The following DLGAP2 variants were observed in gnomAD, a reference collection of about 807,000 sequenced individuals.
The protein encoded by DLGAP2 is DLG associated protein 2, also known as disks large-associated protein 2.
Under a neutral mutation model 100.3 loss-of-function variants are expected in DLGAP2, and 26 were observed. The ratio of observed to expected loss-of-function variants is 0.26; its 90% CI spans 0.19 to 0.36. The LOEUF (loss-of-function observed/expected upper bound fraction) is 0.36, where lower values mean the gene tolerates loss of function less well. Ranked by LOEUF, DLGAP2 falls within the 10% of genes least tolerant of loss-of-function variation. The probability of loss-of-function intolerance (pLI) is 1.00; values close to 1 mark genes in which losing one functional copy is unlikely to be tolerated. For missense variants in DLGAP2, 1,858 were observed against 1,453.2 expected (o/e 1.28, Z -4.53); for synonymous variants, 886 against 630.1 (o/e 1.41, Z -6.08).
chr8:852,007 C>T (rs977880095), intron 1 of DLGAP2, among the ~76,000 whole-genome samples: 1 of 152,210 alleles, frequency 6.6e-6, no homozygotes, highest in Non-Finnish European at 1.5e-5. Context: ...TCCTGGGACT[C>T]AGCCCCTAAA....
At chr8:1,074,626 G>A (rs1181831821) in intron 2 of DLGAP2, among the ~76,000 whole-genome samples, 1 of 152,176 alleles carries the variant, frequency 6.6e-6, no homozygotes, top group African/African-American at 2.4e-5. Flanking sequence ...CTTGCAAGGT[G>A]AAGATGAGGC....
chr8:1,121,252 C>CAT (rs1796038997), intron 2 of DLGAP2, among the ~76,000 whole-genome samples: 2 of 149,754 alleles, frequency 1.3e-5, no homozygotes, highest in East Asian at 2.0e-4. Flanking sequence ...CACCCATCCT[C>CAT]GTCCCTTCAG....
intron 3 of DLGAP2, among the ~76,000 whole-genome samples, chr8:1,371,541 C>G (rs72621158): frequency 0.13 from 19,456 of 152,206 alleles, 1,379 homozygotes; most frequent in East Asian, 0.28. Flanking sequence ...AATTGGAAAT[C>G]TCTTCTGCAG....
intron 8 of DLGAP2, among the ~76,000 whole-genome samples, chr8:1,665,045 A>G (rs2130832199): frequency 6.6e-6 from 1 of 152,350 alleles, no homozygotes; most frequent in Non-Finnish European, 1.5e-5. Flanking sequence ...CAAAGAAATC[A>G]GTTTAAAAAA....
At chr8:786,277 A>C (rs753106837) in intron 1 of DLGAP2, among the ~76,000 whole-genome samples, 1 of 152,104 alleles carries the variant, frequency 6.6e-6, no homozygotes, top group Admixed American at 6.5e-5. Flanking sequence ...GAGAGGGTGC[A>C]GTTGGTCCAT....
chr8:1,052,492 G>T (rs946388668), intron 2 of DLGAP2, among the ~76,000 whole-genome samples: 2 of 152,190 alleles, frequency 1.3e-5, no homozygotes, highest in Non-Finnish European at 2.9e-5. Flanking sequence ...AGAGGAGGGA[G>T]TATCATCTTT....
intron 7 of DLGAP2, among the ~76,000 whole-genome samples, chr8:1,631,257 C>T (rs112286116): frequency 1.3e-5 from 2 of 151,964 alleles, no homozygotes; most frequent in African/African-American, 4.8e-5. Context: ...ATGCACATAC[C>T]AGGTTAATGG....
At chr8:1,407,032 G>A (rs1465003368) in intron 3 of DLGAP2, among the ~76,000 whole-genome samples, 2 of 25,390 alleles carry the variant, frequency 7.9e-5, no homozygotes, top group Admixed American at 4.2e-4. Flanking sequence ...TGTATTGAGT[G>A]CTTACTGAGC....
At chr8:936,184 C>G (rs747805969) in intron 2 of DLGAP2, among the ~76,000 whole-genome samples, 10 of 152,100 alleles carry the variant, frequency 6.6e-5, no homozygotes, top group Non-Finnish European at 1.3e-4. Context: ...GAGAGTGAGC[C>G]TCTGTAGGAG....
Position 1,351,738 on chromosome 8 carries a change from G to C in DLGAP2, c.106+92855G>C, listed in dbSNP as rs553672246. The stretch of plus-strand genomic sequence containing the variant: ...TGCGGGTCCTGAGTGTGTGTGGAAA[G>C]GCCGTGCGGGTCCTGACTATGTGTG... On this transcript the variant is annotated intron_variant, in intron 3 of 14. Transcript: ENST00000637795. Among the ~76,000 whole-genome samples the C allele has an allele frequency of 2.7e-3, 187 of 69,852 alleles. 24 individuals are homozygous for C. The highest frequency in any genetic ancestry group is 8.9e-3 in the African/African-American group (178 of 20,056). 45.8% of individuals were successfully genotyped at this position (69,852 alleles called of 152,430 possible). A position where few individuals can be genotyped will look rare whatever the true frequency, so the allele number is the denominator to read the frequency against.
intron 3 of DLGAP2, among the ~76,000 whole-genome samples, chr8:1,368,240 A>G (rs1177791892): frequency 2.0e-5 from 3 of 151,482 alleles, no homozygotes; most frequent in African/African-American, 4.9e-5. Context: ...GTATGCATGT[A>G]TGTGTGAGCA....
chr8:1,387,050 A>T (rs534690386), intron 3 of DLGAP2, among the ~76,000 whole-genome samples: 7 of 152,296 alleles, frequency 4.6e-5, no homozygotes, highest in African/African-American at 1.7e-4. Flanking sequence ...AAGCCAGAAA[A>T]GAGGGGAACT....
intron 2 of DLGAP2, among the ~76,000 whole-genome samples, chr8:1,171,645 C>T (rs1454170394): frequency 1.3e-5 from 2 of 152,294 alleles, no homozygotes; most frequent in East Asian, 3.9e-4. Flanking sequence ...TAATGGCCTT[C>T]TTTGTCAACT....
intron 7 of DLGAP2, among the ~76,000 whole-genome samples, chr8:1,628,334 C>CT (rs1183540098): frequency 6.8e-6 from 1 of 146,880 alleles, no homozygotes; most frequent in Non-Finnish European, 1.5e-5. Context: ...CACATTCTCT[C>CT]TGACTTACTG....
intron 3 of DLGAP2, among the ~76,000 whole-genome samples, chr8:1,482,073 C>T (rs1415894671): frequency 6.6e-6 from 1 of 152,250 alleles, no homozygotes; most frequent in Non-Finnish European, 1.5e-5. Context: ...TCACCATGCT[C>T]ACAAGAAATG....
intron 1 of DLGAP2, among the ~76,000 whole-genome samples, chr8:748,538 G>C (rs776282361): frequency 2.6e-5 from 4 of 152,190 alleles, no homozygotes; most frequent in Non-Finnish European, 5.9e-5. Context: ...TCCCAGAAAA[G>C]CAGCAGAGTC....
intron 2 of DLGAP2, among the ~76,000 whole-genome samples, chr8:968,588 C>A (rs1049020147): frequency 1.3e-5 from 2 of 152,222 alleles, no homozygotes; most frequent in Non-Finnish European, 2.9e-5. Context: ...AAGCCCCAAG[C>A]CAGCGCCATG....
At chr8:1,514,917 C>A (rs1800307095) in intron 4 of DLGAP2, among the ~76,000 whole-genome samples, 2 of 152,126 alleles carry the variant, frequency 1.3e-5, no homozygotes, top group South Asian at 4.1e-4. Flanking sequence ...GGGAAGAGCC[C>A]CTACAAGAGC....
intron 3 of DLGAP2, among the ~76,000 whole-genome samples, chr8:1,500,066 C>T (rs1377115924): frequency 6.6e-6 from 1 of 152,176 alleles, no homozygotes; most frequent in Non-Finnish European, 1.5e-5. Flanking sequence ...TGAATACATG[C>T]CTAGAGTCTG....
Sources: gnomAD v4.1 joint callset for allele counts (sites outside exome capture counted in the v4.1 genomes callset) on GRCh38, gnomAD v4.1.1 for gene constraint, MANE v1.5 for transcripts, NCBI Gene and HGNC (gene_info 2026-07-23, HGNC 2026-07-21) for gene names.